Variants in NDUFS4 observed in about 807,000 individuals in gnomAD.
The protein encoded by NDUFS4 is NADH dehydrogenase [ubiquinone] iron-sulfur protein 4, mitochondrial.
Under a neutral mutation model 24.3 loss-of-function variants are expected in NDUFS4, and 28 were observed. The ratio of observed to expected loss-of-function variants is 1.15; its 90% CI spans 0.85 to 1.58. The LOEUF (loss-of-function observed/expected upper bound fraction) is 1.58, where lower values mean the gene tolerates loss of function less well. NDUFS4 is among the 40% of genes most tolerant of loss of function. The pLI, the probability that NDUFS4 is intolerant of heterozygous loss-of-function variation, is 0.00. For synonymous variants in NDUFS4, 93 were observed against 69.7 expected (o/e 1.34, Z -1.67); for missense variants, 223 against 207.9 (o/e 1.07, Z -0.45).
chr5:53,583,569 A>G (rs1372272513), intron 1 of NDUFS4, among the ~76,000 whole-genome samples: 2 of 152,206 alleles, frequency 1.3e-5, no homozygotes, highest in Non-Finnish European at 2.9e-5. Context: ...AAGATTATAC[A>G]TTCTGTTTAT....
At chr5:53,642,373 G>T (rs1032765071) in intron 2 of NDUFS4, among the ~76,000 whole-genome samples, 25 of 152,140 alleles carry the variant, frequency 1.6e-4, no homozygotes, top group Non-Finnish European at 2.4e-4. Context: ...GGAGGCTTTT[G>T]TTGGGAGTGC....
At chr5:53,671,792 T>C (rs1158470504) in intron 4 of NDUFS4, among the ~76,000 whole-genome samples, 2 of 152,180 alleles carry the variant, frequency 1.3e-5, no homozygotes, top group East Asian at 1.9e-4. Flanking sequence ...TACTACCATT[T>C]ACATGCTAAT....
chr5:53,659,684 G>A (rs1234032053), intron 4 of NDUFS4, among the ~76,000 whole-genome samples: 3 of 152,056 alleles, frequency 2.0e-5, no homozygotes, highest in Admixed American at 6.6e-5. Flanking sequence ...TTACTGTAAG[G>A]CAGTATATAA....
chr5:53,641,599 T>A (rs1206525682), intron 2 of NDUFS4, among the ~76,000 whole-genome samples: 1 of 152,144 alleles, frequency 6.6e-6, no homozygotes, highest in African/African-American at 2.4e-5. Context: ...TATTTTTATG[T>A]TTTTTATTGT....
Position 53,658,544 on chromosome 5 carries a change from C to G in NDUFS4, c.351-7C>G. Reference sequence around the variant, plus strand: ...TTAAATCTTGGAAAAAAATTTGTTTCTTACAGGGCTGATCCCTTATCCAAC... The same window carrying G: ...TTAAATCTTGGAAAAAAATTTGTTTGTTACAGGGCTGATCCCTTATCCAAC... On this transcript the variant is annotated splice_region_variant and splice_polypyrimidine_tract_variant and intron_variant, in intron 3 of 4. Transcript: ENST00000296684. 1 of 1,611,350 alleles carries G rather than the reference C, an allele frequency of 6.2e-7. No homozygotes were observed. The highest frequency in any genetic ancestry group is 8.5e-7 in the Non-Finnish European group (1 of 1,178,128).
chr5:53,667,343 T>C (rs1752545607), intron 4 of NDUFS4, among the ~76,000 whole-genome samples: 1 of 152,052 alleles, frequency 6.6e-6, no homozygotes, highest in Non-Finnish European at 1.5e-5. Flanking sequence ...CACATGCCTG[T>C]AATCCCAGCT....
intron 3 of NDUFS4, among the ~76,000 whole-genome samples, chr5:53,648,131 T>G (rs1477112774): frequency 6.6e-6 from 1 of 152,032 alleles, no homozygotes; most frequent in African/African-American, 2.4e-5. Flanking sequence ...CTAGGTAGAG[T>G]CTTGAGCACT....
intron 2 of NDUFS4, among the ~76,000 whole-genome samples, chr5:53,621,690 A>ATTTTTT (rs58169759): frequency 3.1e-4 from 25 of 81,556 alleles, no homozygotes; most frequent in African/African-American, 1.2e-3. Context: ...CTCATAGTAA[A>ATTTTTT]TTTTTTTTTT....
At position 53,592,371 on chromosome 5, in the gene NDUFS4, A is replaced by G. The variant is rs1462271907; in HGVS notation, c.99-11081A>G. Among the ~76,000 whole-genome samples the G allele has an allele frequency of 3.9e-5, 6 of 152,152 alleles. No individual in the cohort carries two copies. The East Asian group carries it at 9.6e-4, about 24-fold the overall frequency. On this transcript the variant is annotated intron_variant, in intron 1 of 4. Transcript: ENST00000296684. The stretch of plus-strand genomic sequence containing the variant: ...TTTTCATTCTTTTAATATTAATAGT[A>G]TCTTTCACAGAGCTAAAGCTGTTAA...
At chr5:53,682,475 A>G (rs747624837) in intron 4 of NDUFS4, among the ~76,000 whole-genome samples, 6 of 152,058 alleles carry the variant, frequency 3.9e-5, no homozygotes, top group Non-Finnish European at 7.4e-5. Flanking sequence ...AGGCCTAACA[A>G]TTTGCGCTCT....
chr5:53,603,508 T>C lies in NDUFS4; in HGVS notation c.155T>C (p.Leu52Pro). The change falls in exon 2 of 5, where the codon CTC (leucine) becomes CCC (proline). Residue 52 changes from leucine to proline, a missense_variant. Transcript: ENST00000296684. ...LAQDQTQDTQLITVDEKLDIT... is the reference protein window; with the variant it reads ...LAQDQTQDTQPITVDEKLDIT... ...CAGGACCAGACTCAAGACACACAAC[T>C]CATAACAGTTGATGAAAAATTGGTA... 1 of 1,613,798 alleles carries C rather than the reference T, an allele frequency of 6.2e-7. No individual in the cohort carries two copies.
intron 2 of NDUFS4, among the ~76,000 whole-genome samples, chr5:53,611,433 A>G (rs573943900): frequency 1.3e-5 from 2 of 152,168 alleles, no homozygotes; most frequent in East Asian, 3.9e-4. Flanking sequence ...GCCTCAGAGT[A>G]CTTTCTATGT....
chr5:53,644,058 C>T (rs1158532468), intron 2 of NDUFS4, among the ~76,000 whole-genome samples: 1 of 152,026 alleles, frequency 6.6e-6, no homozygotes, highest in East Asian at 1.9e-4. Flanking sequence ...CTTTGTAGCT[C>T]AAATACTGTT....
chr5:53,616,370 G>GA (rs1219720949), intron 2 of NDUFS4, among the ~76,000 whole-genome samples: 2 of 151,938 alleles, frequency 1.3e-5, no homozygotes, highest in African/African-American at 4.8e-5. Context: ...GAATATTATG[G>GA]AAAAAACAAA....
intron 1 of NDUFS4, among the ~76,000 whole-genome samples, chr5:53,568,869 A>G (rs570284616): frequency 1.6e-4 from 25 of 152,294 alleles, no homozygotes; most frequent in African/African-American, 5.0e-4. Context: ...TGCTTTTGCA[A>G]TATATTTTCT....
chr5:53,564,752 A>C (rs535734834), intron 1 of NDUFS4, among the ~76,000 whole-genome samples: 40 of 152,206 alleles, frequency 2.6e-4, no homozygotes, highest in African/African-American at 9.6e-4. Flanking sequence ...CTGGTCTTGA[A>C]CACCTGACCC....
chr5:53,629,965 C>T (rs897492964), intron 2 of NDUFS4, among the ~76,000 whole-genome samples: 1 of 152,174 alleles, frequency 6.6e-6, no homozygotes, highest in East Asian at 1.9e-4. Flanking sequence ...GCAGTTTCTT[C>T]ATAGCGCTGA....
intron 2 of NDUFS4, among the ~76,000 whole-genome samples, chr5:53,618,472 C>T (rs1579879802): frequency 6.6e-6 from 1 of 152,238 alleles, no homozygotes; most frequent in African/African-American, 2.4e-5. Flanking sequence ...AGTTCTAGGG[C>T]ACCCTGGAGC....
intron 1 of NDUFS4, among the ~76,000 whole-genome samples, chr5:53,589,730 C>T (rs993821855): frequency 7.9e-5 from 12 of 152,076 alleles, no homozygotes; most frequent in Non-Finnish European, 1.3e-4. Flanking sequence ...CAGACCCACC[C>T]GTAATCTGGG....
Sources: gnomAD v4.1 joint callset for allele counts (sites outside exome capture counted in the v4.1 genomes callset) on GRCh38, gnomAD v4.1.1 for gene constraint, MANE v1.5 for transcripts, NCBI Gene and HGNC (gene_info 2026-07-23, HGNC 2026-07-21) for gene names.